The following MATN3 variants were observed in gnomAD, a reference collection of about 807,000 sequenced individuals.
The protein encoded by MATN3 is matrilin-3.
In MATN3, 48 loss-of-function variants were observed where a neutral mutation model predicts 45.3. The observed-to-expected ratio is 1.06, with a 90% CI of 0.84 to 1.35. MATN3 has a LOEUF of 1.35. MATN3 is among the 40% of genes most tolerant of loss of function. The pLI is 0.00. For synonymous variants in MATN3, 217 were observed against 245.9 expected, an observed-to-expected ratio of 0.88 and a Z score of 1.10; for missense variants, 599 against 628.0, an observed-to-expected ratio of 0.95 and a Z score of 0.49.
chr2:20,002,265 G>A (rs1421159022), intron 3 of MATN3, among the ~76,000 whole-genome samples, 185 bp from the exon 4 acceptor site: 1 of 152,012 alleles, frequency 6.6e-6, no homozygotes, highest in African/African-American at 2.4e-5. Flanking sequence ...TTCACTAAGA[G>A]ACCCTGTGAC....
rs199538661 is a variant in MATN3, at chr2:19,995,444, TGTC to T, written c.1295-1038_1295-1036del. Among the ~76,000 whole-genome samples, 443 of 152,106 alleles carry T rather than the reference TGTC, an allele frequency of 2.9e-3. 2 individuals carry two copies. The highest frequency in any genetic ancestry group is 9.8e-3 in the African/African-American group (406 of 41,500). On this transcript the variant is annotated intron_variant, in intron 6 of 7. Coordinates refer to ENST00000407540, the MANE Select transcript of MATN3 (RefSeq NM_002381.5). This position sits in a 1 kb window ranked among gnomAD's most constrained non-coding sequence, Gnocchi z 4.2. ...CTCCAGCCTGGGTGACAGATTGAAA[TGTC>T]GTCTCAAAAAACAAAACAAAAAAAA... is the stretch of plus-strand genomic sequence containing the variant.
Position 19,993,084 on chromosome 2 carries a change from C to T in MATN3, c.*27G>A. ...AGTATTAAGTACACCAAGCTGTCCA[C>T]ATTTTCAGGTGAGAAATTGGAGCAA... is the stretch of plus-strand genomic sequence containing the variant. On this transcript the variant is annotated 3_prime_UTR_variant, in exon 8 of 8. Transcript: ENST00000407540. 1 of 1,593,250 alleles carries T rather than the reference C, an allele frequency of 6.3e-7. No individual in the cohort carries two copies. The highest frequency in any genetic ancestry group is 1.3e-5 in the African/African-American group (1 of 74,598).
At position 19,994,397 on chromosome 2, in the gene MATN3, G is replaced by T. The variant is rs1179398416; in HGVS notation, c.1307C>A (p.Ala436Glu). 6.2e-7 allele frequency: 1 copy of T among 1,606,812 alleles called. No homozygotes were observed. Among genetic ancestry groups the T allele is most frequent in the South Asian group, 1.1e-5 (1 of 90,548 alleles). Reference protein sequence around the residue: ...DKKTCSATEEARRLVSTEDAC... With the variant: ...DKKTCSATEEERRLVSTEDAC... ...ATCTTCAGTGGAAACAAGTCTTCGT[G>T]CTTCCTCAGTGGCTGAAGACAATGA... is the stretch of plus-strand genomic sequence containing the variant. The change falls in exon 7 of 8, where the codon GCA (alanine) becomes GAA (glutamate). Residue 436 changes from alanine to glutamate, a missense_variant. Ala to Glu is a moderately radical substitution (Grantham distance 107). Coordinates refer to ENST00000407540, the MANE Select transcript of MATN3 (RefSeq NM_002381.5).
chr2:19,995,586 C>T lies in MATN3; in HGVS notation c.1295-1177G>A, dbSNP rs1469487325. ...TAAATACTTTGGAACTGAAAATTCA[C>T]GTTTGTATTGACATTTAACCAAATA... On this transcript the variant is annotated intron_variant, in intron 6 of 7. Transcript: ENST00000407540. This position sits in a 1 kb window ranked among gnomAD's most constrained non-coding sequence, Gnocchi z 4.2. Among the ~76,000 whole-genome samples, 2 of 152,154 alleles carry T rather than the reference C, an allele frequency of 1.3e-5. No individual in the cohort carries two copies. The highest frequency in any genetic ancestry group is 1.9e-4 in the East Asian group (1 of 5,196).
chr2:20,005,947 T>G lies in MATN3; in HGVS notation c.587A>C (p.Asp196Ala). ...NIPKVAIIVT[D>A]GRPQDQVNEV... ...ATTCACCTGGTCCTGGGGCCTCCCATCTGTAACAATGATGGCCACCTTAGG... is the reference window on the plus strand; with the variant it reads ...ATTCACCTGGTCCTGGGGCCTCCCAGCTGTAACAATGATGGCCACCTTAGG... Residue 196 changes from aspartate to alanine, a missense_variant, in exon 2 of 8, where the codon GAT (aspartate) becomes GCT (alanine). Asp to Ala is a moderately radical substitution (Grantham distance 126). Coordinates refer to ENST00000407540, the MANE Select transcript of MATN3 (RefSeq NM_002381.5). 6.2e-7 allele frequency: 1 copy of G among 1,613,876 alleles called. No homozygotes were observed. Among genetic ancestry groups the G allele is most frequent in the South Asian group, 1.1e-5 (1 of 91,066 alleles).
At chr2:20,011,607 C>T (rs1461763912) in intron 1 of MATN3, among the ~76,000 whole-genome samples, 1 of 152,162 alleles carries the variant, frequency 6.6e-6, no homozygotes, top group Non-Finnish European at 1.5e-5. Context: ...TGAAGCTGCG[C>T]TTTTTGGAAA....
At chr2:20,003,333 T>C in intron 2 of MATN3, 47 bp from the exon 3 acceptor site, 1 of 1,532,632 alleles carries the variant, frequency 6.5e-7, no homozygotes, top group South Asian at 1.3e-5. Flanking sequence ...TTAGGAAACA[T>C]CTCAGATACC....
rs1346136149 is a variant in MATN3 at position 19,995,478 on chromosome 2, A to G, written c.1295-1069T>C. Among the ~76,000 whole-genome samples the G allele has an allele frequency of 1.3e-5, 2 of 152,208 alleles. No homozygotes were observed. The highest frequency in any genetic ancestry group is 4.8e-5 in the African/African-American group (2 of 41,462). Reference sequence around the variant, plus strand: ...AAAAAACAAAACAAAAAAAAAGGATAAAAACCAGGTTAAGTCCTGATTTCC... The same window carrying G: ...AAAAAACAAAACAAAAAAAAAGGATGAAAACCAGGTTAAGTCCTGATTTCC... On this transcript the variant is annotated intron_variant, in intron 6 of 7. Transcript: ENST00000407540. This position sits in a 1 kb window ranked among gnomAD's most constrained non-coding sequence, Gnocchi z 4.2.
Position 20,005,725 on chromosome 2 carries a change from C to G in MATN3, c.790+19G>C. On this transcript the variant is annotated intron_variant, in intron 2 of 7. Transcript: ENST00000407540. Reference sequence around the variant, plus strand: ...ATATAACATCCTTTCTAGTTGGAAGCAAAGACTGACCAACTTACCACAGAA... The same window carrying G: ...ATATAACATCCTTTCTAGTTGGAAGGAAAGACTGACCAACTTACCACAGAA... 1 of 1,552,772 alleles carries G rather than the reference C, an allele frequency of 6.4e-7. No individual in the cohort carries two copies. The highest frequency in any genetic ancestry group is 8.8e-7 in the Non-Finnish European group (1 of 1,140,020).
chr2:19,997,378 G>A (rs1159516028), intron 5 of MATN3, 119 bp from the exon 6 acceptor site: 2 of 1,064,208 alleles, frequency 1.9e-6, no homozygotes, highest in East Asian at 5.5e-5. Context: ...GTAGTAGTCA[G>A]TAGTCAGCAA....
chr2:20,010,064 T>TCCAAAAAAAAAAAAAAA lies in MATN3; in HGVS notation c.223+2344_223+2345insTTTTTTTTTTTTTTTGG, dbSNP rs1247085339. On this transcript the variant is annotated intron_variant, in intron 1 of 7. Coordinates refer to ENST00000407540, the MANE Select transcript of MATN3 (RefSeq NM_002381.5). The stretch of plus-strand genomic sequence containing the variant: ...TTGTCTCAGAATAAATCTCTTCAAA[T>TCCAAAAAAAAAAAAAAA]ACTAAAAAAAAAAAAAAAAAAAAAA... Among the ~76,000 whole-genome samples, 19 of 10,750 alleles carry TCCAAAAAAAAAAAAAAA rather than the reference T, an allele frequency of 1.8e-3. 1 individual carries two copies. The highest frequency in any genetic ancestry group is 2.3e-3 in the Non-Finnish European group (18 of 7,712). 7.1% of individuals were successfully genotyped at this position (10,750 alleles called of 152,430 possible). A position where few individuals can be genotyped will look rare whatever the true frequency, so the allele number is the denominator to read the frequency against.
Position 19,992,818 on chromosome 2 carries a change from A to G in MATN3, c.*293T>C. The G allele has an allele frequency of 3.0e-6, 1 of 336,710 alleles. No individual in the cohort carries two copies. The highest frequency in any genetic ancestry group is 5.4e-6 in the Non-Finnish European group (1 of 186,680). 20.9% of individuals were successfully genotyped at this position (336,710 alleles called of 1,614,324 possible). A position where few individuals can be genotyped will look rare whatever the true frequency, so the allele number is the denominator to read the frequency against. On this transcript the variant is annotated 3_prime_UTR_variant, in exon 8 of 8. Coordinates refer to ENST00000407540, the MANE Select transcript of MATN3 (RefSeq NM_002381.5). Reference sequence around the variant, plus strand: ...CATTTAAAAATTAAATGGCTCAATTAGTAGATAAAGAAACACTAAACTTTT... The same window carrying G: ...CATTTAAAAATTAAATGGCTCAATTGGTAGATAAAGAAACACTAAACTTTT...
Position 20,002,034 on chromosome 2 carries a change from A to G in MATN3, c.963T>C (p.Cys321=), listed in dbSNP as rs1672994115. Residue 321 remains cysteine, a synonymous_variant, in exon 4 of 8, where the codon TGT becomes TGC. Coordinates refer to ENST00000407540, the MANE Select transcript of MATN3 (RefSeq NM_002381.5). ...GATAAGAGCCACTTCTGTCATTCAC[A>G]CAGATGTGCTCACATCCGTGGGTGT... ...ALNTHGCEHI[C]VNDRSGSYHC... 1 of 1,613,528 alleles carries G rather than the reference A, an allele frequency of 6.2e-7. No homozygotes were observed. The highest frequency in any genetic ancestry group is 1.3e-5 in the African/African-American group (1 of 74,922).
intron 7 of MATN3, among the ~76,000 whole-genome samples, chr2:19,993,877 T>C (rs1270400252): frequency 6.6e-6 from 1 of 152,208 alleles, no homozygotes; most frequent in African/African-American, 2.4e-5. Context: ...TTTTAAAATC[T>C]GCTTTTTGAC....
intron 2 of MATN3, 38 bp downstream of exon 2, chr2:20,005,706 C>T (rs372346575): frequency 2.2e-4 from 316 of 1,440,850 alleles, no homozygotes; most frequent in Middle Eastern, 3.6e-4. Flanking sequence ...CTGAATATAA[C>T]ATCCTTTCTA....
In MATN3 at chr2:20,000,626, G is replaced by C. The variant is rs1440515338; in HGVS notation, c.1043-60C>G. 7.3e-6 allele frequency: 11 copies of C among 1,503,804 alleles called. No individual in the cohort carries two copies. In the East Asian group the frequency reaches 2.6e-4, roughly 36 times the overall value. The allele number at this position is 1,503,804 out of a possible 1,614,324, so 93.2% of individuals were successfully genotyped here. On this transcript the variant is annotated intron_variant, in intron 4 of 7. Transcript: ENST00000407540. ...AGGTGGAAAAGTATTTTATTACCCA[G>C]GATAGAAACCTTATTTGCAGCTGGA...
intron 1 of MATN3, among the ~76,000 whole-genome samples, chr2:20,007,069 G>A (rs760660044): frequency 2.0e-5 from 3 of 152,166 alleles, no homozygotes; most frequent in Non-Finnish European, 4.4e-5. Context: ...TTAGCCGGGC[G>A]TGGTAGTGGG....
rs749928108 is a variant in MATN3 at position 19,994,398 on chromosome 2, C to A, written c.1306G>T (p.Ala436Ser). The change falls in exon 7 of 8, where the codon GCA becomes TCA. Residue 436 changes from alanine (A) to serine (S), a missense_variant. Transcript: ENST00000407540. ...DKKTCSATEEARRLVSTEDAC... is the reference protein window; with the variant it reads ...DKKTCSATEESRRLVSTEDAC... ...TCTTCAGTGGAAACAAGTCTTCGTGCTTCCTCAGTGGCTGAAGACAATGAC... is the reference window on the plus strand; with the variant it reads ...TCTTCAGTGGAAACAAGTCTTCGTGATTCCTCAGTGGCTGAAGACAATGAC... 109 of 1,604,780 alleles carry A rather than the reference C, an allele frequency of 6.8e-5. No homozygotes were observed. The highest frequency in any genetic ancestry group is 8.2e-5 in the Non-Finnish European group (96 of 1,172,292).
At position 19,992,932 on chromosome 2, in the gene MATN3, G is replaced by C; in HGVS notation, c.*179C>G. On this transcript the variant is annotated 3_prime_UTR_variant, in exon 8 of 8. Coordinates refer to ENST00000407540, the MANE Select transcript of MATN3 (RefSeq NM_002381.5). ...AAGTATCTGCATATGTATTTCCTTG[G>C]AAGAATCATGCTGATTCTGCAGAAG... 1.7e-6 allele frequency: 1 copy of C among 601,348 alleles called. No homozygotes were observed. The highest frequency in any genetic ancestry group is 2.9e-6 in the Non-Finnish European group (1 of 342,908). The allele number at this position is 601,348 out of a possible 1,614,324, so 37.3% of individuals were successfully genotyped here. A position where few individuals can be genotyped will look rare whatever the true frequency, so the allele number is the denominator to read the frequency against.
Sources: gnomAD v4.1 joint callset for allele counts (sites outside exome capture counted in the v4.1 genomes callset) on GRCh38, gnomAD v4.1.1 for gene constraint, Gnocchi (gnomAD v3.1) non-coding constraint, MANE v1.5 for transcripts, NCBI Gene and HGNC (gene_info 2026-07-23, HGNC 2026-07-21) for gene names.